IQSEC1: variants seen among roughly 807,000 people sequenced by gnomAD.
IQSEC1 encodes the protein IQ motif and Sec7 domain ArfGEF 1, also known as IQ motif and SEC7 domain-containing protein 1.
A neutral mutation model predicts 91.0 loss-of-function variants in IQSEC1; 31 were observed. That is an observed-to-expected ratio of 0.34 (90% CI 0.26 to 0.46). The LOEUF is 0.46. IQSEC1 is among the 20% of genes least tolerant of loss of function. The pLI is 1.00. For missense variants in IQSEC1, 1,388 were observed against 1,575.6 expected, an observed-to-expected ratio of 0.88 and a Z score of 2.02; for synonymous variants, 699 against 662.6, an observed-to-expected ratio of 1.05 and a Z score of -0.84.
At chr3:13,181,928 C>G (rs1693850939) in intron 1 of IQSEC1, among the ~76,000 whole-genome samples, 1 of 152,256 alleles carries the variant, frequency 6.6e-6, no homozygotes, top group Non-Finnish European at 1.5e-5. Flanking sequence ...GCAGTGACTG[C>G]TCCTGTCTAG....
chr3:13,068,863 T>C (rs184345479), intron 1 of IQSEC1, among the ~76,000 whole-genome samples: 7 of 152,342 alleles, frequency 4.6e-5, no homozygotes, highest in East Asian at 3.9e-4. Context: ...CCATTCCCAT[T>C]GGGCTCTCTA....
At position 12,900,848 on chromosome 3, in the gene IQSEC1, G is replaced by C; in HGVS notation, c.*135C>G. 2.0e-6 allele frequency: 3 copies of C among 1,523,598 alleles called. No homozygotes were observed. Among genetic ancestry groups the C allele is most frequent in the Middle Eastern group, 1.7e-4 (1 of 5,810 alleles). 94.4% of individuals were successfully genotyped at this position (1,523,598 alleles called of 1,614,324 possible). A position where few individuals can be genotyped will look rare whatever the true frequency, so the allele number is the denominator to read the frequency against. ...CAGCCCTGTGGGCTCCTGGGGCTCC[G>C]GTTGGGCCGTGAGGGGCAGAGGGGA... On this transcript the variant is annotated 3_prime_UTR_variant, in exon 14 of 14. Coordinates refer to ENST00000613206, the MANE Select transcript of IQSEC1 (RefSeq NM_001134382.3).
intron 1 of IQSEC1, among the ~76,000 whole-genome samples, chr3:12,945,789 T>C (rs1424627544): frequency 6.6e-6 from 1 of 152,122 alleles, no homozygotes; most frequent in Non-Finnish European, 1.5e-5. Context: ...TCTGAACTGA[T>C]AAATAAAAAT....
chr3:13,177,718 G>C (rs1376359339), intron 1 of IQSEC1, among the ~76,000 whole-genome samples: 1 of 152,172 alleles, frequency 6.6e-6, no homozygotes, highest in African/African-American at 2.4e-5. Context: ...TGCTGTTCAC[G>C]GCCACCCACA....
intron 1 of IQSEC1, among the ~76,000 whole-genome samples, chr3:13,275,594 C>G (rs905325085): frequency 6.6e-6 from 1 of 152,230 alleles, no homozygotes; most frequent in Non-Finnish European, 1.5e-5. Flanking sequence ...CTCTTCAAGT[C>G]CCAGCTCAAA....
In IQSEC1 at chr3:12,967,602, T is replaced by C. The variant is rs923685575; in HGVS notation, c.24-25737A>G. The C allele has an allele frequency of 4.0e-6, 5 of 1,252,616 alleles. No individual in the cohort carries two copies. The highest frequency in any genetic ancestry group is 1.6e-5 in the African/African-American group (1 of 63,758). 77.6% of individuals were successfully genotyped at this position (1,252,616 alleles called of 1,614,324 possible). On this transcript the variant is annotated intron_variant, in intron 1 of 13. Transcript: ENST00000613206. The surrounding 1 kb of genome is among the most constrained non-coding windows in gnomAD (Gnocchi z 5.9). Reference sequence around the variant, plus strand: ...CGCCACGCGATCACGTCGGGGCTCCTGGTCCAGCGTCCGCCGGCTCCCGCG... The same window carrying C: ...CGCCACGCGATCACGTCGGGGCTCCCGGTCCAGCGTCCGCCGGCTCCCGCG...
intron 1 of IQSEC1, among the ~76,000 whole-genome samples, chr3:13,000,769 C>A (rs532137136): frequency 5.6e-4 from 85 of 152,178 alleles, no homozygotes; most frequent in Non-Finnish European, 1.0e-3. Context: ...CAGCCCCAGG[C>A]TTGCAATAAA....
At chr3:13,107,559 C>T (rs935968170) in intron 2 of IQSEC1, among the ~76,000 whole-genome samples, 2 of 152,344 alleles carry the variant, frequency 1.3e-5, no homozygotes, top group East Asian at 3.9e-4. Context: ...CAGATTTCAA[C>T]CAAGGCTGGT....
At chr3:12,980,770 G>A (rs1291418089) in intron 1 of IQSEC1, among the ~76,000 whole-genome samples, 1 of 151,992 alleles carries the variant, frequency 6.6e-6, no homozygotes, top group East Asian at 1.9e-4. Context: ...GCCTCGTCTG[G>A]TCCTCCAGGC....
At chr3:12,903,740 GCT>G (rs1694644120) in intron 12 of IQSEC1, among the ~76,000 whole-genome samples, 1 of 152,312 alleles carries the variant, frequency 6.6e-6, no homozygotes, top group South Asian at 2.1e-4. Flanking sequence ...GACGGGCCCA[GCT>G]CTCTGGGAGT....
chr3:13,125,267 G>T (rs539783675), intron 2 of IQSEC1, among the ~76,000 whole-genome samples: 3 of 152,176 alleles, frequency 2.0e-5, no homozygotes, highest in Non-Finnish European at 2.9e-5. Flanking sequence ...TTTTGTGGCT[G>T]TCTACGTACC....
rs180857852 is a variant in IQSEC1, at chr3:13,130,758, G to A, written c.302+33346C>T. On this transcript the variant is annotated intron_variant, in intron 2 of 15. Transcript: ENST00000648114. ...TTGAAATCAGCCTGGGGAACATGGC[G>A]AAACCCTATCTCTACAAAAAATAAT... Among the ~76,000 whole-genome samples, 6 of 152,074 alleles carry A rather than the reference G, an allele frequency of 3.9e-5. No homozygotes were observed. In the East Asian group the frequency reaches 7.7e-4, roughly 20 times the overall value.
chr3:13,101,171 C>T (rs935325473), intron 2 of IQSEC1, among the ~76,000 whole-genome samples: 2 of 152,150 alleles, frequency 1.3e-5, no homozygotes, highest in African/African-American at 4.8e-5. Flanking sequence ...TGACACGATG[C>T]GACTTCTGTT....
At chr3:12,905,151 T>C (rs1382717621) in intron 12 of IQSEC1, among the ~76,000 whole-genome samples, 1 of 152,234 alleles carries the variant, frequency 6.6e-6, no homozygotes, top group African/African-American at 2.4e-5. Flanking sequence ...CACCGGCTGA[T>C]GAAGTCAGGC....
In IQSEC1 at chr3:13,277,067, T is replaced by C. The variant is rs1313092623; in HGVS notation, c.272+5644A>G. 2.5e-5 allele frequency among the ~76,000 whole-genome samples: 3 copies of C among 120,844 alleles called. No individual in the cohort carries two copies. The East Asian group carries it at 7.3e-4, about 29-fold the overall frequency. 79.3% of individuals were successfully genotyped at this position (120,844 alleles called of 152,430 possible). A position where few individuals can be genotyped will look rare whatever the true frequency, so the allele number is the denominator to read the frequency against. On this transcript the variant is annotated intron_variant, in intron 1 of 15. Transcript: ENST00000648114. ...GGCTGACACCCTGACAAGCTCAGAA[T>C]GGTGCACTTCCCAAGTTAGGCAAAG...
chr3:13,114,983 C>A (rs572336031), intron 2 of IQSEC1, among the ~76,000 whole-genome samples: 81 of 152,180 alleles, frequency 5.3e-4, no homozygotes, highest in African/African-American at 1.8e-3. Flanking sequence ...TGAGGCAGGA[C>A]AAGCAGGAAG....
intron 1 of IQSEC1, among the ~76,000 whole-genome samples, chr3:13,209,933 T>C (rs1576296249): frequency 1.3e-5 from 2 of 151,660 alleles, no homozygotes; most frequent in African/African-American, 4.8e-5. Context: ...TTCCCATTGC[T>C]ATGCAGTGGG....
chr3:12,908,265 C>T lies in IQSEC1; in HGVS notation c.2755+84G>A, dbSNP rs1380365133. The T allele has an allele frequency of 1.5e-5, 21 of 1,442,912 alleles. No homozygotes were observed. The highest frequency in any genetic ancestry group is 2.3e-5 in the East Asian group (1 of 43,166). 89.4% of individuals were successfully genotyped at this position (1,442,912 alleles called of 1,614,324 possible). A position where few individuals can be genotyped will look rare whatever the true frequency, so the allele number is the denominator to read the frequency against. ...TGGCTTCGCCGCAGGCCCTGCCCCGCGTGATGCATGCCCTGAATGCAGACG... is the reference window on the plus strand; with the variant it reads ...TGGCTTCGCCGCAGGCCCTGCCCCGTGTGATGCATGCCCTGAATGCAGACG... On this transcript the variant is annotated intron_variant, in intron 12 of 13. Transcript: ENST00000613206. The surrounding 1 kb of genome is among the most constrained non-coding windows in gnomAD (Gnocchi z 4.9).
chr3:13,215,213 G>T (rs941279713), intron 1 of IQSEC1, among the ~76,000 whole-genome samples: 2 of 152,002 alleles, frequency 1.3e-5, no homozygotes, highest in Non-Finnish European at 2.9e-5. Flanking sequence ...GGATGGAAAA[G>T]GTTTCCAAAT....
Sources: allele counts gnomAD v4.1 joint callset (sites outside exome capture counted in the v4.1 genomes callset), GRCh38; gene constraint gnomAD v4.1.1; non-coding constraint Gnocchi (gnomAD v3.1); transcripts MANE v1.5; gene names NCBI Gene and HGNC (gene_info 2026-07-23, HGNC 2026-07-21).